The following SI variants were observed in gnomAD, a reference collection of about 807,000 sequenced individuals.
SI encodes sucrase-isomaltase, intestinal.
A neutral mutation model predicts 253.3 loss-of-function variants in SI; 235 were observed. The observed-to-expected ratio is 0.93, with a 90% confidence interval of 0.83 to 1.03. The LOEUF (loss-of-function observed/expected upper bound fraction) is 1.03. Among genes scored for constraint, SI ranks in the 50% least tolerant of loss-of-function variants. SI has a pLI of 0.00. For missense variants in SI, 2,442 were observed against 2,211.1 expected, an observed-to-expected ratio of 1.10 and a Z score of -2.09; for synonymous variants, 819 against 712.0, an observed-to-expected ratio of 1.15 and a Z score of -2.39.
intron 35 of SI, among the ~76,000 whole-genome samples, chr3:165,009,017 C>T (rs141888619): frequency 2.6e-4 from 40 of 151,854 alleles, no homozygotes; most frequent in African/African-American, 8.4e-4. Context: ...TAAATATTTA[C>T]AAGGATTTAT....
chr3:165,071,087 A>G (rs1475273165), intron 3 of SI, among the ~76,000 whole-genome samples: 1 of 152,062 alleles, frequency 6.6e-6, no homozygotes, highest in Non-Finnish European at 1.5e-5. Context: ...GGCCCAAATT[A>G]ATTTACTACG....
At position 165,049,257 on chromosome 3, in the gene SI, A is replaced by G. The variant is rs1713307435; in HGVS notation, c.1598-13T>C. 7.6e-7 allele frequency: 1 copy of G among 1,311,608 alleles called. No homozygotes were observed. Among genetic ancestry groups the G allele is most frequent in the Non-Finnish European group, 1.1e-6 (1 of 906,860 alleles). The allele number at this position is 1,311,608 out of a possible 1,614,324, so 81.2% of individuals were successfully genotyped here. ...TTGTCAAGAATATCTTTGAGAAAAT[A>G]CATAAGAAACATTTCTTATATTTTT... On this transcript the variant is annotated splice_polypyrimidine_tract_variant and intron_variant, in intron 14 of 47. Transcript: ENST00000264382.
At chr3:165,000,785 T>G (rs1056196802) in intron 37 of SI, among the ~76,000 whole-genome samples, 3 of 151,424 alleles carry the variant, frequency 2.0e-5, no homozygotes, top group Non-Finnish European at 4.4e-5. Context: ...CACAATTAAC[T>G]TAGTTTAAGT....
At chr3:165,050,735 T>C (rs1180754306) in intron 13 of SI, among the ~76,000 whole-genome samples, 2 of 152,132 alleles carry the variant, frequency 1.3e-5, no homozygotes, top group African/African-American at 4.8e-5. Flanking sequence ...TCACATTCAG[T>C]CACATCCTTG....
intron 25 of SI, 131 bp from the exon 26 acceptor site, chr3:165,023,907 G>A: frequency 5.7e-6 from 4 of 705,230 alleles, no homozygotes; most frequent in Non-Finnish European, 1.0e-5. Context: ...TGAAATAACA[G>A]TTATAACACA....
chr3:165,030,890 A>C, intron 24 of SI, 23 bp from the exon 25 acceptor site: 1 of 1,519,372 alleles, frequency 6.6e-7, no homozygotes, highest in East Asian at 2.4e-5. Context: ...AAAAAAAAAA[A>C]GAAAAAAAGA....
At chr3:165,040,889 T>G in intron 18 of SI, 51 bp downstream of exon 18, 1 of 1,462,122 alleles carries the variant, frequency 6.8e-7, no homozygotes, top group Non-Finnish European at 9.6e-7. Context: ...TCTGTGTATG[T>G]TTGAACATAC....
chr3:165,019,918 A>G (rs373958048), intron 27 of SI, 148 bp from the exon 28 acceptor site: 15 of 740,444 alleles, frequency 2.0e-5, no homozygotes, highest in Admixed American at 4.3e-5. Context: ...ATGGAAATAG[A>G]TGATTAATCT....
intron 47 of SI, among the ~76,000 whole-genome samples, chr3:164,981,184 T>C (rs1717172768): frequency 6.6e-6 from 1 of 152,072 alleles, no homozygotes; most frequent in Non-Finnish European, 1.5e-5. Context: ...GGAAATTTTA[T>C]TTTATATTTC....
At chr3:165,065,767 G>T (rs1714218887) in intron 6 of SI, among the ~76,000 whole-genome samples, 1 of 151,368 alleles carries the variant, frequency 6.6e-6, no homozygotes, top group African/African-American at 2.4e-5. Context: ...TCACAAACTG[G>T]TAGGCAGGAG....
chr3:165,048,157 A>G (rs1713220335), intron 15 of SI, among the ~76,000 whole-genome samples: 1 of 152,106 alleles, frequency 6.6e-6, no homozygotes, highest in Non-Finnish European at 1.5e-5. Context: ...AAAAATACAA[A>G]TTTGAATAAA....
At chr3:165,069,010 G>C in intron 4 of SI, 68 bp downstream of exon 4, 1 of 1,152,070 alleles carries the variant, frequency 8.7e-7, no homozygotes, top group Non-Finnish European at 1.3e-6. Flanking sequence ...TCTATTTAAG[G>C]TATTTTCCAC....
chr3:165,039,645 G>A (rs1428091284), intron 19 of SI, among the ~76,000 whole-genome samples: 6 of 150,624 alleles, frequency 4.0e-5, no homozygotes, highest in Non-Finnish European at 8.9e-5. Context: ...TTTTTTTTCA[G>A]GAGAAAAATA....
intron 25 of SI, among the ~76,000 whole-genome samples, chr3:165,027,413 C>T (rs1418879741): frequency 6.6e-6 from 1 of 151,100 alleles, no homozygotes; most frequent in East Asian, 1.9e-4. Context: ...GACGTTATTC[C>T]ACAAGAAAGA....
chr3:164,986,717 TATGATAA>T (rs2108115995), intron 45 of SI, among the ~76,000 whole-genome samples: 1 of 152,314 alleles, frequency 6.6e-6, no homozygotes, highest in East Asian at 1.9e-4. Flanking sequence ...CTGTGACCCT[TATGATAA>T]ATGAGGAAAA....
intron 25 of SI, among the ~76,000 whole-genome samples, chr3:165,025,802 A>G (rs558734306): frequency 1.3e-5 from 2 of 151,540 alleles, no homozygotes; most frequent in South Asian, 4.1e-4. Context: ...AGAATTGTCC[A>G]CTACCAGAAT....
At chr3:165,075,787 A>G (rs1714919690) in intron 2 of SI, 108 bp downstream of exon 2, 5 of 671,096 alleles carry the variant, frequency 7.5e-6, no homozygotes, top group South Asian at 2.0e-5. Flanking sequence ...GGATTTTTCT[A>G]TAAGTGTTTC....
chr3:165,069,190 A>G lies in SI; in HGVS notation c.261T>C (p.Ile87=). The change falls in exon 4 of 48, where the codon ATT becomes ATC. Residue 87 remains isoleucine, a synonymous_variant. Transcript: ENST00000264382. The part of the protein sequence containing the change: ...CIPEQFPTEG[I]CAQRGCCWRP... ...TCCAGCAGCAGCCTCTCTGTGCACA[A>G]ATTCCCTGATAAAATATTTTTAAAG... 2 of 1,599,272 alleles carry G rather than the reference A, an allele frequency of 1.3e-6. No homozygotes were observed. Among genetic ancestry groups the G allele is most frequent in the Non-Finnish European group, 1.7e-6 (2 of 1,166,788 alleles).
chr3:165,055,994 A>G (rs1326621917), intron 12 of SI, among the ~76,000 whole-genome samples: 2 of 152,156 alleles, frequency 1.3e-5, no homozygotes, highest in African/African-American at 2.4e-5. Context: ...CCATGCTGTT[A>G]AACACTATGT....
Sources: gnomAD v4.1 joint callset for allele counts (sites outside exome capture counted in the v4.1 genomes callset) on GRCh38, gnomAD v4.1.1 for gene constraint, MANE v1.5 for transcripts, NCBI Gene and HGNC (gene_info 2026-07-23, HGNC 2026-07-21) for gene names.